Variants in AP3S1 observed in about 807,000 individuals in gnomAD.
AP3S1 encodes adaptor related protein complex 3 subunit sigma 1, also known as AP-3 complex subunit sigma-1.
In AP3S1, 12 loss-of-function variants were observed where a neutral mutation model predicts 21.3. The ratio of observed to expected loss-of-function variants is 0.56; its 90% CI spans 0.36 to 0.91. The LOEUF (loss-of-function observed/expected upper bound fraction) is 0.91. AP3S1 is among the 40% of genes least tolerant of loss of function. The pLI is 0.01. For synonymous variants in AP3S1, 48 were observed against 78.4 expected, an observed-to-expected ratio of 0.61 and a Z score of 2.05; for missense variants, 116 against 225.0, an observed-to-expected ratio of 0.52 and a Z score of 3.10.
At position 115,871,976 on chromosome 5, in the gene AP3S1, ACTTAGGTAACAAATT is replaced by A. The variant is rs1748301024; in HGVS notation, c.273+1854_273+1868del. Among the ~76,000 whole-genome samples, 3 of 152,308 alleles carry A rather than the reference ACTTAGGTAACAAATT, an allele frequency of 2.0e-5. No homozygotes were observed. In the South Asian group the frequency reaches 6.2e-4, roughly 32 times the overall value. On this transcript the variant is annotated intron_variant, in intron 3 of 5. Coordinates refer to ENST00000316788, the MANE Select transcript of AP3S1 (RefSeq NM_001284.4). ...GACAAGAAATTAACCCAAGCAGACA[ACTTAGGTAACAAATT>A]CTTAGCACTGTGGCTAAGGCTTTAA...
At chr5:115,910,328 G>A (rs1178775437) in intron 5 of AP3S1, among the ~76,000 whole-genome samples, 3 of 150,544 alleles carry the variant, frequency 2.0e-5, no homozygotes, top group Non-Finnish European at 4.4e-5. Flanking sequence ...ATATTGTACT[G>A]CACACACTTA....
In AP3S1 at chr5:115,882,394, A is replaced by G. The variant is rs542290106; in HGVS notation, c.273+12266A>G. On this transcript the variant is annotated intron_variant, in intron 3 of 5. Coordinates refer to ENST00000316788, the MANE Select transcript of AP3S1 (RefSeq NM_001284.4). ...CTTCAGATGGAGTTTTTGTGTGGAC[A>G]TCCTTATTGTCCTTGTTGATGCTAT... 9.2e-5 allele frequency among the ~76,000 whole-genome samples: 14 copies of G among 152,178 alleles called. No homozygotes were observed. The South Asian group carries it at 2.5e-3, about 27-fold the overall frequency.
chr5:115,910,046 T>G (rs927927669), intron 5 of AP3S1, among the ~76,000 whole-genome samples: 1 of 152,106 alleles, frequency 6.6e-6, no homozygotes, highest in Non-Finnish European at 1.5e-5. Flanking sequence ...GAAGACTCAC[T>G]TGAGGCCAGG....
intron 3 of AP3S1, among the ~76,000 whole-genome samples, chr5:115,871,152 A>G (rs769344402): frequency 6.6e-6 from 1 of 152,218 alleles, no homozygotes; most frequent in Non-Finnish European, 1.5e-5. Flanking sequence ...GGAAGAAGAC[A>G]CTGTCTATTT....
intron 2 of AP3S1, among the ~76,000 whole-genome samples, chr5:115,867,246 A>G (rs977448930): frequency 6.6e-6 from 1 of 152,156 alleles, no homozygotes; most frequent in African/African-American, 2.4e-5. Flanking sequence ...CACATCTAGG[A>G]CAAGCTTATT....
At chr5:115,913,122 G>A (rs1752232441) in intron 5 of AP3S1, among the ~76,000 whole-genome samples, 1 of 152,102 alleles carries the variant, frequency 6.6e-6, no homozygotes, top group Non-Finnish European at 1.5e-5. Flanking sequence ...ACATTAATTT[G>A]TATTTAAATC....
At chr5:115,877,013 T>G (rs149851256) in intron 3 of AP3S1, among the ~76,000 whole-genome samples, 1 of 152,176 alleles carries the variant, frequency 6.6e-6, no homozygotes, top group Non-Finnish European at 1.5e-5. Context: ...TTTGAGACTA[T>G]GTAAATATAC....
intron 3 of AP3S1, among the ~76,000 whole-genome samples, chr5:115,872,625 A>G (rs1748369043): frequency 6.6e-6 from 1 of 152,186 alleles, no homozygotes; most frequent in Non-Finnish European, 1.5e-5. Flanking sequence ...CCTTGGGTAT[A>G]TGTTCACTTT....
intron 3 of AP3S1, among the ~76,000 whole-genome samples, chr5:115,890,172 C>A (rs1021508096): frequency 6.6e-6 from 1 of 152,048 alleles, no homozygotes; most frequent in Non-Finnish European, 1.5e-5. Flanking sequence ...TATGTGTATA[C>A]GTATATATAT....
intron 3 of AP3S1, among the ~76,000 whole-genome samples, chr5:115,887,035 C>A (rs1015764453): frequency 6.6e-6 from 1 of 152,200 alleles, no homozygotes; most frequent in East Asian, 1.9e-4. Context: ...ATTTACATAT[C>A]TTAAACACCA....
chr5:115,898,281 G>A (rs1750930063), intron 4 of AP3S1, among the ~76,000 whole-genome samples: 1 of 152,178 alleles, frequency 6.6e-6, no homozygotes, highest in Non-Finnish European at 1.5e-5. Flanking sequence ...CAATGTAACA[G>A]TTTCTATGTG....
chr5:115,890,179 A>G lies in AP3S1; in HGVS notation c.274-4908A>G, dbSNP rs1018149812. Among the ~76,000 whole-genome samples the G allele has an allele frequency of 3.3e-5, 5 of 152,182 alleles. No homozygotes were observed. In the South Asian group the frequency reaches 8.3e-4, roughly 25 times the overall value. On this transcript the variant is annotated intron_variant, in intron 3 of 5. Transcript: ENST00000316788. ...TCAGTAGATATGTGTATACGTATAT[A>G]TATGTTCACTAAAAGATGTGTAAGA...
At chr5:115,903,067 T>C in intron 5 of AP3S1, 75 bp downstream of exon 5, 1 of 1,120,344 alleles carries the variant, frequency 8.9e-7, no homozygotes, top group South Asian at 1.3e-5. Context: ...TAGTTTTCAC[T>C]GTTTGTCCTT....
intron 4 of AP3S1, among the ~76,000 whole-genome samples, chr5:115,900,219 A>G (rs76309098): frequency 0.04 from 6,165 of 152,260 alleles, 466 homozygotes; most frequent in African/African-American, 0.14. Context: ...ATAGTTACCA[A>G]TTTTCATAAC....
chr5:115,906,063 C>T (rs984363423), intron 5 of AP3S1, among the ~76,000 whole-genome samples: 23 of 152,158 alleles, frequency 1.5e-4, no homozygotes, highest in Non-Finnish European at 3.2e-4. Flanking sequence ...GAGCCTGACG[C>T]GCAAGAATCG....
intron 3 of AP3S1, among the ~76,000 whole-genome samples, chr5:115,886,333 C>T (rs769095423): frequency 6.6e-6 from 1 of 152,098 alleles, no homozygotes; most frequent in Admixed American, 6.5e-5. Context: ...ACCTGCCTCT[C>T]GTGCCTCCCA....
chr5:115,846,941 G>A (rs969242677), intron 1 of AP3S1, among the ~76,000 whole-genome samples: 1 of 152,238 alleles, frequency 6.6e-6, no homozygotes. Flanking sequence ...GAAGTGCAGA[G>A]TAGTAGACCG....
At chr5:115,907,127 C>T (rs1751717213) in intron 5 of AP3S1, 1 of 415,954 alleles carries the variant, frequency 2.4e-6, no homozygotes, top group African/African-American at 2.2e-5. Flanking sequence ...TTTTTTTAAA[C>T]ACTTGTCATC....
At chr5:115,906,797 T>A (rs1475168670) in intron 5 of AP3S1, 1 of 1,488,252 alleles carries the variant, frequency 6.7e-7, no homozygotes, top group Non-Finnish European at 8.9e-7. Context: ...TCTTTCTAGC[T>A]CTTTCCATTC....
Sources: gnomAD v4.1 joint callset for allele counts (sites outside exome capture counted in the v4.1 genomes callset) on GRCh38, gnomAD v4.1.1 for gene constraint, MANE v1.5 for transcripts, NCBI Gene and HGNC (gene_info 2026-07-23, HGNC 2026-07-21) for gene names.